Variants in GBE1 observed in about 807,000 individuals in gnomAD.
GBE1 encodes 1,4-alpha-glucan branching enzyme 1.
GBE1 carries 70 observed loss-of-function variants against 88.8 expected under a neutral mutation model. The observed-to-expected ratio is 0.79, with a 90% CI of 0.65 to 0.96. The LOEUF is 0.96. Among genes scored for constraint, GBE1 ranks in the 40% least tolerant of loss-of-function variants. The pLI, the probability that GBE1 is intolerant of heterozygous loss-of-function variation, is 0.00. For missense variants in GBE1, 872 were observed against 871.0 expected, an observed-to-expected ratio of 1.00 and a Z score of -0.01; for synonymous variants, 284 against 300.1, an observed-to-expected ratio of 0.95 and a Z score of 0.56.
intron 14 of GBE1, among the ~76,000 whole-genome samples, chr3:81,507,287 G>A (rs768612642): frequency 9.2e-5 from 14 of 151,918 alleles, no homozygotes; most frequent in East Asian, 7.7e-4. Flanking sequence ...GAACTTGCCC[G>A]GGCGCAGTGG....
chr3:81,513,692 G>C (rs1702755722), intron 14 of GBE1, among the ~76,000 whole-genome samples: 1 of 151,572 alleles, frequency 6.6e-6, no homozygotes, highest in Non-Finnish European at 1.5e-5. Flanking sequence ...TGCATTTTTA[G>C]AAGATGATGA....
intron 1 of GBE1, among the ~76,000 whole-genome samples, chr3:81,737,337 ATATATT>A (rs1336312544): frequency 1.0e-4 from 9 of 87,660 alleles, no homozygotes; most frequent in African/African-American, 2.4e-4. Flanking sequence ...ATATTTTTAT[ATATATT>A]TATATAAATA....
intron 1 of GBE1, among the ~76,000 whole-genome samples, chr3:81,750,549 A>G (rs1285171646): frequency 1.2e-4 from 10 of 82,900 alleles, no homozygotes; most frequent in African/African-American, 4.3e-4. Context: ...GTATATATAT[A>G]TGTATATATA....
intron 14 of GBE1, among the ~76,000 whole-genome samples, chr3:81,501,996 CT>C (rs35174865): frequency 0.15 from 20,992 of 137,474 alleles, 2,075 homozygotes; most frequent in East Asian, 0.38. Flanking sequence ...GCCTGGAATG[CT>C]TTTTTTTTTT....
At chr3:81,629,018 GTTTTTTTTT>G (rs34707682) in intron 7 of GBE1, among the ~76,000 whole-genome samples, 1 of 98,002 alleles carries the variant, frequency 1.0e-5, no homozygotes, top group African/African-American at 4.4e-5. Context: ...TTATGTTTAA[GTTTTTTTTT>G]TTTTTTTTTT....
At chr3:81,547,106 T>A (rs1034805501) in intron 12 of GBE1, among the ~76,000 whole-genome samples, 1 of 151,338 alleles carries the variant, frequency 6.6e-6, no homozygotes, top group Admixed American at 6.6e-5. Flanking sequence ...TGGCGAACTT[T>A]CGGCACGTGG....
chr3:81,565,788 A>G (rs1247587665), intron 12 of GBE1, among the ~76,000 whole-genome samples: 1 of 152,200 alleles, frequency 6.6e-6, no homozygotes, highest in Non-Finnish European at 1.5e-5. Flanking sequence ...AAAGCAGGAA[A>G]AACATATGTA....
At chr3:81,673,034 A>C (rs1414082257) in intron 2 of GBE1, among the ~76,000 whole-genome samples, 4 of 151,920 alleles carry the variant, frequency 2.6e-5, no homozygotes, top group African/African-American at 9.7e-5. Context: ...TTTATCTTCA[A>C]GGGCAGCTCT....
chr3:81,586,187 C>T lies in GBE1; in HGVS notation c.1240G>A (p.Val414Ile), dbSNP rs779141550. ...CPDSITIAEDVSGMPALCSPI... is the reference protein window; with the variant it reads ...CPDSITIAEDISGMPALCSPI... ...GAGCACAGAGCTGGCATTCCTGATA[C>T]ATCCTACAACAAAGAACGTCGGTTC... Residue 414 changes from valine to isoleucine, a missense_variant, in exon 10 of 16, where the codon GTA becomes ATA. Coordinates refer to ENST00000429644, the MANE Select transcript of GBE1 (RefSeq NM_000158.4). The T allele has an allele frequency of 1.3e-6, 2 of 1,592,384 alleles. No homozygotes were observed. Among genetic ancestry groups the T allele is most frequent in the Non-Finnish European group, 8.6e-7 (1 of 1,168,378 alleles).
intron 8 of GBE1, among the ~76,000 whole-genome samples, chr3:81,592,322 A>G (rs922262064): frequency 6.6e-6 from 1 of 152,132 alleles, no homozygotes; most frequent in Non-Finnish European, 1.5e-5. Flanking sequence ...GGCAACCATC[A>G]TTCAACTAGC....
rs1706500449 is a variant in GBE1, at chr3:81,750,605, A to ATATATATACGTATATATATATGTG, written c.143+10769_143+10770insCACATATATATATACGTATATATA. The stretch of plus-strand genomic sequence containing the variant: ...TATATATACGTATATATATATGTGT[A>ATATATATACGTATATATATATGTG]TATATATATATGTATATATATATAC... On this transcript the variant is annotated intron_variant, in intron 1 of 15. Transcript: ENST00000429644. Among the ~76,000 whole-genome samples the ATATATATACGTATATATATATGTG allele has an allele frequency of 6.2e-4, 22 of 35,534 alleles. 1 individual carries two copies. Among genetic ancestry groups the ATATATATACGTATATATATATGTG allele is most frequent in the South Asian group, 5.2e-4 (1 of 1,918 alleles). 23.3% of individuals were successfully genotyped at this position (35,534 alleles called of 152,430 possible).
chr3:81,591,207 C>G, intron 8 of GBE1, 43 bp from the exon 9 acceptor site: 2 of 1,474,026 alleles, frequency 1.4e-6, no homozygotes, highest in Non-Finnish European at 1.8e-6. Flanking sequence ...TGTTAACAAG[C>G]AAGTCTTAAC....
Position 81,761,559 on chromosome 3 carries a change from T to TGGG in GBE1, c.-45_-43dup. 1 of 1,575,844 alleles carries TGGG rather than the reference T, an allele frequency of 6.3e-7. No individual in the cohort carries two copies. Among genetic ancestry groups the TGGG allele is most frequent in the Non-Finnish European group, 8.6e-7 (1 of 1,163,640 alleles). On this transcript the variant is annotated 5_prime_UTR_variant, in exon 1 of 16. Transcript: ENST00000429644. Reference sequence around the variant, plus strand: ...AGTAGCCGAGGCCCGAGAGGTCGAGTGGGGCCTGAGCGGGCGCTGGAGCTC... The same window carrying TGGG: ...AGTAGCCGAGGCCCGAGAGGTCGAGTGGGGGGGCCTGAGCGGGCGCTGGAGCTC...
intron 9 of GBE1, among the ~76,000 whole-genome samples, chr3:81,589,764 C>T (rs1263181455): frequency 2.0e-5 from 3 of 151,956 alleles, no homozygotes; most frequent in Admixed American, 6.6e-5. Context: ...AATATCTCTG[C>T]TTTGGATTGC....
intron 7 of GBE1, among the ~76,000 whole-genome samples, chr3:81,636,375 T>G (rs994903091): frequency 6.6e-6 from 1 of 152,186 alleles, no homozygotes; most frequent in African/African-American, 2.4e-5. Context: ...CTCAGTACTC[T>G]CAAAAGTTAT....
intron 7 of GBE1, among the ~76,000 whole-genome samples, chr3:81,614,043 T>C (rs1414866418): frequency 6.6e-6 from 1 of 152,130 alleles, no homozygotes; most frequent in Non-Finnish European, 1.5e-5. Context: ...TTTTGTTTTT[T>C]TAGAGTCAGG....
intron 1 of GBE1, chr3:81,743,675 C>T: frequency 8.3e-7 from 1 of 1,200,708 alleles, no homozygotes; most frequent in South Asian, 1.4e-5. Flanking sequence ...ACAGCAGTCA[C>T]CTGATCTCAG....
chr3:81,643,295 C>G (rs1281829698), intron 6 of GBE1, among the ~76,000 whole-genome samples: 3 of 152,110 alleles, frequency 2.0e-5, no homozygotes, highest in Non-Finnish European at 4.4e-5. Context: ...CTGATTTCCA[C>G]CTGAAGCAAG....
intron 7 of GBE1, among the ~76,000 whole-genome samples, chr3:81,608,277 G>C (rs1217542219): frequency 6.6e-6 from 1 of 152,144 alleles, no homozygotes; most frequent in Non-Finnish European, 1.5e-5. Flanking sequence ...CCATATGTCA[G>C]TACTTTGCAC....
Sources: gnomAD v4.1 joint callset for allele counts (sites outside exome capture counted in the v4.1 genomes callset) on GRCh38, gnomAD v4.1.1 for gene constraint, MANE v1.5 for transcripts, NCBI Gene and HGNC (gene_info 2026-07-23, HGNC 2026-07-21) for gene names.